The following GIT2 variants were observed in gnomAD, a reference collection of about 807,000 sequenced individuals.
GIT2 encodes GIT ArfGAP 2, also known as ARF GTPase-activating protein GIT2.
Under a neutral mutation model 100.3 loss-of-function variants are expected in GIT2, and 32 were observed. The ratio of observed to expected loss-of-function variants is 0.32; its 90% CI spans 0.24 to 0.43. The LOEUF (loss-of-function observed/expected upper bound fraction) is 0.43. Among genes scored for constraint, GIT2 ranks in the 20% least tolerant of loss-of-function variants. The pLI is 1.00. For missense variants in GIT2, 737 were observed against 975.1 expected (o/e 0.76, Z 3.25); for synonymous variants, 353 against 364.1 (o/e 0.97, Z 0.35).
intron 7 of GIT2, among the ~76,000 whole-genome samples, chr12:109,974,484 C>T (rs546032384): frequency 1.3e-5 from 2 of 151,798 alleles, no homozygotes; most frequent in South Asian, 4.2e-4. Context: ...CAAGATTGCG[C>T]CACTGCACTC....
intron 18 of GIT2, among the ~76,000 whole-genome samples, chr12:109,938,016 G>A (rs932034681): frequency 1.3e-5 from 2 of 152,212 alleles, no homozygotes; most frequent in Admixed American, 6.5e-5. Context: ...GATACCTTTT[G>A]TGTCAGCGGC....
intron 8 of GIT2, 154 bp downstream of exon 8, chr12:109,967,304 G>T: frequency 6.3e-7 from 1 of 1,590,018 alleles, no homozygotes; most frequent in South Asian, 1.1e-5. Context: ...TTATATAGTG[G>T]TTTACTTACA....
At chr12:109,952,926 G>C in intron 13 of GIT2, 166 bp downstream of exon 13, 1 of 632,674 alleles carries the variant, frequency 1.6e-6, no homozygotes, top group Non-Finnish European at 2.8e-6. Flanking sequence ...CTGCAGCAGG[G>C]CTGTGATGCA....
At chr12:109,951,821 AG>A (rs1437597049) in intron 13 of GIT2, among the ~76,000 whole-genome samples, 1 of 152,128 alleles carries the variant, frequency 6.6e-6, no homozygotes, top group African/African-American at 2.4e-5. Context: ...AGAGCAGGGT[AG>A]GGGGCTGCAT....
chr12:109,965,387 C>T, intron 9 of GIT2, 139 bp downstream of exon 9: 1 of 610,258 alleles, frequency 1.6e-6, no homozygotes, highest in Non-Finnish European at 3.0e-6. Context: ...GCTGTATACT[C>T]AACAGTCTGC....
chr12:109,987,581 CT>C (rs778149327), intron 4 of GIT2, among the ~76,000 whole-genome samples: 30 of 151,860 alleles, frequency 2.0e-4, no homozygotes, highest in Non-Finnish European at 3.8e-4. Context: ...ATCCTCCAAC[CT>C]CAGCCTCCCA....
Position 109,980,985 on chromosome 12 carries a change from T to C in GIT2, c.685A>G (p.Arg229Gly), listed in dbSNP as rs1044680479. 2 of 1,612,324 alleles carry C rather than the reference T, an allele frequency of 1.2e-6. No individual in the cohort carries two copies. Among genetic ancestry groups the C allele is most frequent in the Admixed American group, 1.7e-5 (1 of 60,004 alleles). Residue 229 changes from arginine to glycine, a missense_variant, in exon 7 of 20, where the codon AGA becomes GGA. Arg to Gly is a moderately radical substitution (Grantham distance 125). Transcript: ENST00000355312. ...CTGCCACAGAGATAGAAGGCTAGTCTGTCCGTTAGCTCATACTGTATTTCC... is the reference window on the plus strand; with the variant it reads ...CTGCCACAGAGATAGAAGGCTAGTCCGTCCGTTAGCTCATACTGTATTTCC... ...LVEIQYELTD[R>G]LAFYLCGRKP...
chr12:109,976,429 C>T (rs1197747598), intron 7 of GIT2, among the ~76,000 whole-genome samples: 43 of 151,420 alleles, frequency 2.8e-4, no homozygotes, highest in Non-Finnish European at 5.2e-4. Context: ...GGACTACAGG[C>T]GCCCACCACC....
rs1386341660 is a variant in GIT2, at chr12:109,931,059, C to T, written c.*1919G>A. The T allele has an allele frequency of 6.6e-6, 1 of 152,208 alleles. No individual in the cohort carries two copies. Among genetic ancestry groups the T allele is most frequent in the East Asian group, 1.9e-4 (1 of 5,196 alleles). The allele number at this position is 152,208 out of a possible 1,614,324, so 9.4% of individuals were successfully genotyped here. On this transcript the variant is annotated 3_prime_UTR_variant, in exon 20 of 20. Coordinates refer to ENST00000355312, the MANE Select transcript of GIT2 (RefSeq NM_057169.5). Reference sequence around the variant, plus strand: ...ACAGTGAAGCAAAATGCGACAAAAGCATCCACACACGGTGACTTAGTAAAG... The same window carrying T: ...ACAGTGAAGCAAAATGCGACAAAAGTATCCACACACGGTGACTTAGTAAAG...
At chr12:109,952,704 C>T (rs1326398132) in intron 13 of GIT2, 1 of 493,792 alleles carries the variant, frequency 2.0e-6, no homozygotes. Flanking sequence ...TAGATTCTCT[C>T]TCTGCTCACT....
intron 14 of GIT2, among the ~76,000 whole-genome samples, chr12:109,950,004 A>G (rs1413684006): frequency 6.6e-6 from 1 of 152,224 alleles, no homozygotes; most frequent in Non-Finnish European, 1.5e-5. Context: ...GAGACACAGA[A>G]CAAGTGTCTG....
In GIT2 at chr12:109,933,336, C is replaced by T. The variant is rs1872025059; in HGVS notation, c.2068-146G>A. ...CCCTTTCTCAAAGGGGTGCTTCACA[C>T]ACTCCAAGCTTTGCAGCCCACAGCG... On this transcript the variant is annotated intron_variant, in intron 19 of 19. Coordinates refer to ENST00000355312, the MANE Select transcript of GIT2 (RefSeq NM_057169.5). This position sits in a 1 kb window ranked among gnomAD's most constrained non-coding sequence, Gnocchi z 4.5. The T allele has an allele frequency of 6.6e-6, 4 of 601,508 alleles. No homozygotes were observed. In the Admixed American group the frequency reaches 1.1e-4, roughly 17 times the overall value. 37.3% of individuals were successfully genotyped at this position (601,508 alleles called of 1,614,324 possible).
chr12:109,964,620 GACACACACACACACACACACACACAC>G (rs58007337), intron 9 of GIT2, among the ~76,000 whole-genome samples: 23 of 119,058 alleles, frequency 1.9e-4, no homozygotes, highest in Middle Eastern at 4.3e-3. Context: ...TTAATCTAAA[GACACACACACACACACACACACACAC>G]ACACACACAC....
chr12:109,959,700 C>T (rs747375595), intron 12 of GIT2, 147 bp downstream of exon 12: 28 of 616,278 alleles, frequency 4.5e-5, no homozygotes, highest in Non-Finnish European at 7.3e-5. Context: ...ACAGGTATCC[C>T]GGAACTTAAA....
Position 109,965,534 on chromosome 12 carries a change from G to T in GIT2, c.808C>A (p.Leu270Ile). The T allele has an allele frequency of 6.3e-7, 1 of 1,589,358 alleles. No individual in the cohort carries two copies. The highest frequency in any genetic ancestry group is 8.6e-7 in the Non-Finnish European group (1 of 1,159,702). Reference sequence around the variant, plus strand: ...TACAGAGAAATACTCACAGATTGAAGTTTCTTCTTAGCAGCTTTTGCCAAT... The same window carrying T: ...TACAGAGAAATACTCACAGATTGAATTTTCTTCTTAGCAGCTTTTGCCAAT... The part of the protein sequence containing the change: ...SELAKAAKKK[L>I]QSLSNHLFEE... The change falls in exon 9 of 20, where the codon CTT becomes ATT. Residue 270 changes from leucine (L) to isoleucine (I), a missense_variant. Physicochemically the swap from Leu to Ile is conservative, Grantham distance 5. This residue lies in a region of GIT2 where 266 missense variants were observed against 376.2 expected (regional missense o/e 0.71). Transcript: ENST00000355312.
At chr12:109,942,763 A>G (rs567321969) in intron 16 of GIT2, 1 of 152,350 alleles carries the variant, frequency 6.6e-6, no homozygotes, top group East Asian at 1.9e-4. Context: ...CATATACCTA[A>G]TAAATGCATT....
chr12:109,959,780 A>C, intron 12 of GIT2, 67 bp downstream of exon 12: 2 of 916,882 alleles, frequency 2.2e-6, no homozygotes, highest in Non-Finnish European at 3.6e-6. Flanking sequence ...ATTAGTTTAT[A>C]ACTTTAACAC....
rs1871499605 is a variant in GIT2 at position 109,930,726 on chromosome 12, A to G, written c.*2252T>C. 2 of 152,254 alleles carry G rather than the reference A, an allele frequency of 1.3e-5. No homozygotes were observed. The highest frequency in any genetic ancestry group is 4.1e-4 in the South Asian group (2 of 4,834). 9.4% of individuals were successfully genotyped at this position (152,254 alleles called of 1,614,324 possible). A position where few individuals can be genotyped will look rare whatever the true frequency, so the allele number is the denominator to read the frequency against. On this transcript the variant is annotated 3_prime_UTR_variant, in exon 20 of 20. Transcript: ENST00000355312. ...TAGGGCCATAAAGGCAACATCTTCT[A>G]TTGCAGGTCCTCAAACATTCCAAGG...
At chr12:109,942,691 G>A (rs1482340500) in intron 16 of GIT2, among the ~76,000 whole-genome samples, 1 of 152,114 alleles carries the variant, frequency 6.6e-6, no homozygotes, top group African/African-American at 2.4e-5. Context: ...CAAATCAAAT[G>A]CATTACCCTC....
Sources: gnomAD v4.1 joint callset for allele counts (sites outside exome capture counted in the v4.1 genomes callset) on GRCh38, gnomAD v4.1.1 for gene constraint, gnomAD v4.1.1 regional missense constraint, Gnocchi (gnomAD v3.1) non-coding constraint, MANE v1.5 for transcripts, NCBI Gene and HGNC (gene_info 2026-07-23, HGNC 2026-07-21) for gene names.